The following DYNC1LI1 variants were observed in gnomAD, a reference collection of about 807,000 sequenced individuals.
DYNC1LI1 encodes dynein cytoplasmic 1 light intermediate chain 1.
DYNC1LI1 carries 19 observed loss-of-function variants against 63.8 expected under a neutral mutation model. The observed-to-expected ratio is 0.30, with a 90% CI of 0.21 to 0.44. The LOEUF (loss-of-function observed/expected upper bound fraction) is 0.44. DYNC1LI1 is among the 20% of genes least tolerant of loss of function. DYNC1LI1 has a pLI of 1.00. For missense variants in DYNC1LI1, 565 were observed against 630.2 expected, an observed-to-expected ratio of 0.90 and a Z score of 1.11; for synonymous variants, 225 against 232.3, an observed-to-expected ratio of 0.97 and a Z score of 0.28.
At chr3:32,547,560 C>A (rs1697972795) in intron 2 of DYNC1LI1, among the ~76,000 whole-genome samples, 1 of 152,144 alleles carries the variant, frequency 6.6e-6, no homozygotes, top group Admixed American at 6.5e-5. Flanking sequence ...TATAATCCTA[C>A]TGGGGCCAAG....
chr3:32,556,846 T>C (rs971284765), intron 2 of DYNC1LI1, among the ~76,000 whole-genome samples: 21 of 152,356 alleles, frequency 1.4e-4, no homozygotes, highest in Admixed American at 3.9e-4. Flanking sequence ...AACTTCGCTA[T>C]TTCTTGATTC....
At chr3:32,539,596 C>T (rs1312323766) in intron 5 of DYNC1LI1, among the ~76,000 whole-genome samples, 7 of 151,526 alleles carry the variant, frequency 4.6e-5, no homozygotes, top group African/African-American at 9.7e-5. Flanking sequence ...AGTGCAGTGG[C>T]GCAATCTCAG....
chr3:32,555,461 T>C (rs989594966), intron 2 of DYNC1LI1, among the ~76,000 whole-genome samples: 3 of 152,264 alleles, frequency 2.0e-5, no homozygotes, highest in African/African-American at 4.8e-5. Context: ...CTGAGGTATC[T>C]GCAAAGATGC....
intron 2 of DYNC1LI1, among the ~76,000 whole-genome samples, chr3:32,568,434 A>G (rs1038764365): frequency 6.6e-6 from 1 of 152,246 alleles, no homozygotes; most frequent in Non-Finnish European, 1.5e-5. Context: ...GAAAATCCCA[A>G]TAGTACTGAA....
chr3:32,546,983 G>A (rs983125287), intron 2 of DYNC1LI1, among the ~76,000 whole-genome samples: 3 of 152,168 alleles, frequency 2.0e-5, no homozygotes, highest in Admixed American at 6.5e-5. Flanking sequence ...GGTGGCTCAC[G>A]CCTGTAATCC....
At chr3:32,538,875 CTA>C (rs1463657583) in intron 5 of DYNC1LI1, among the ~76,000 whole-genome samples, 1 of 152,050 alleles carries the variant, frequency 6.6e-6, no homozygotes, top group Non-Finnish European at 1.5e-5. Flanking sequence ...CTCCATACCC[CTA>C]TACATTTTAA....
At chr3:32,557,210 C>G (rs1348394540) in intron 2 of DYNC1LI1, among the ~76,000 whole-genome samples, 2 of 152,132 alleles carry the variant, frequency 1.3e-5, no homozygotes, top group African/African-American at 4.8e-5. Context: ...TCCTTTGACA[C>G]TGATACGTTT....
intron 4 of DYNC1LI1, among the ~76,000 whole-genome samples, chr3:32,543,668 A>G (rs945760753): frequency 6.6e-6 from 1 of 150,880 alleles, no homozygotes; most frequent in African/African-American, 2.4e-5. Context: ...AGCCTCCCAA[A>G]GCGCTGGGAT....
At position 32,526,711 on chromosome 3, in the gene DYNC1LI1, C is replaced by A; in HGVS notation, c.*88G>T. The A allele has an allele frequency of 1.0e-6, 1 of 980,280 alleles. No individual in the cohort carries two copies. Among genetic ancestry groups the A allele is most frequent in the South Asian group, 1.4e-5 (1 of 70,750 alleles). 60.7% of individuals were successfully genotyped at this position (980,280 alleles called of 1,614,324 possible). ...ATTTAGTCCATCTGAAGAAGCACTC[C>A]AGCTTTCTAATTCCACTTTTGAAGG... On this transcript the variant is annotated 3_prime_UTR_variant, in exon 13 of 13. Transcript: ENST00000273130.
intron 2 of DYNC1LI1, among the ~76,000 whole-genome samples, chr3:32,558,393 T>A (rs1698143922): frequency 7.2e-6 from 1 of 139,450 alleles, no homozygotes; most frequent in African/African-American, 2.7e-5. Context: ...CCCCCAACTC[T>A]TTAAAAATGT....
intron 5 of DYNC1LI1, among the ~76,000 whole-genome samples, chr3:32,537,902 T>TATATATATATAATTTATATATATA (rs1697798501): frequency 2.0e-5 from 1 of 50,024 alleles, no homozygotes; most frequent in Non-Finnish European, 3.9e-5. Flanking sequence ...ATATATATAA[T>TATATATATATAATTTATATATATA]ATATATATAT....
chr3:32,530,136 CTT>C lies in DYNC1LI1; in HGVS notation c.1185+146_1185+147del, dbSNP rs1298849655. Reference sequence around the variant, plus strand: ...CAAATGTTACAAATAGATCTTTACACTTTTAAAATCTCACAAATTACAGAAGA... The same window carrying C: ...CAAATGTTACAAATAGATCTTTACACTTAAAATCTCACAAATTACAGAAGA... On this transcript the variant is annotated intron_variant, in intron 10 of 12. Transcript: ENST00000273130. The C allele has an allele frequency of 1.4e-5, 10 of 712,854 alleles. No homozygotes were observed. The East Asian group carries it at 2.2e-4, about 16-fold the overall frequency. The allele number at this position is 712,854 out of a possible 1,614,324, so 44.2% of individuals were successfully genotyped here.
Position 32,534,597 on chromosome 3 carries a change from G to A in DYNC1LI1, c.882C>T (p.Asp294=). ...TCTGAACGATGTATTTATATACTAAGTCTATATTTTTGTTTTCTTTTACTG... is the reference window on the plus strand; with the variant it reads ...TCTGAACGATGTATTTATATACTAAATCTATATTTTTGTTTTCTTTTACTG... ...YTSVKENKNI[D]LVYKYIVQKL... Residue 294 remains aspartate, a synonymous_variant, in exon 7 of 13, where the codon GAC becomes GAT. Coordinates refer to ENST00000273130, the MANE Select transcript of DYNC1LI1 (RefSeq NM_016141.4). 6.3e-7 allele frequency: 1 copy of A among 1,589,266 alleles called. No homozygotes were observed. Among genetic ancestry groups the A allele is most frequent in the Non-Finnish European group, 8.6e-7 (1 of 1,161,744 alleles).
At chr3:32,558,403 T>TCAAAAAAAAAA (rs1369929115) in intron 2 of DYNC1LI1, among the ~76,000 whole-genome samples, 1 of 90,390 alleles carries the variant, frequency 1.1e-5, no homozygotes, top group African/African-American at 4.5e-5. Flanking sequence ...TTTAAAAATG[T>TCAAAAAAAAAA]AAAAAAAAAA....
At chr3:32,531,616 C>G (rs1052140348) in intron 8 of DYNC1LI1, 4 of 152,144 alleles carry the variant, frequency 2.6e-5, no homozygotes, top group Non-Finnish European at 4.4e-5. Context: ...TTTATGCATG[C>G]ATTTCTTTTA....
intron 2 of DYNC1LI1, among the ~76,000 whole-genome samples, chr3:32,559,547 T>C (rs1398520585): frequency 1.3e-5 from 2 of 152,094 alleles, no homozygotes; most frequent in East Asian, 1.9e-4. Context: ...CCCAACTCCT[T>C]TGTAACTTAT....
chr3:32,566,237 G>A (rs535335310), intron 2 of DYNC1LI1, among the ~76,000 whole-genome samples: 14 of 150,110 alleles, frequency 9.3e-5, no homozygotes, highest in Admixed American at 6.6e-4. Context: ...ATGCCACTAC[G>A]CTCCAGCCTG....
Position 32,539,341 on chromosome 3 carries a change from C to A in DYNC1LI1, c.738+1696G>T, listed in dbSNP as rs533653353. Among the ~76,000 whole-genome samples the A allele has an allele frequency of 2.8e-4, 42 of 152,120 alleles. 1 individual carries two copies. The East Asian group carries it at 7.3e-3, about 27-fold the overall frequency. On this transcript the variant is annotated intron_variant, in intron 5 of 12. Transcript: ENST00000273130. ...TAAGCTAGGTTTTAGATTTTTTAAT[C>A]AATTTTACTCCAACAATGAATAAAT...
intron 1 of DYNC1LI1, 40 bp downstream of exon 1, chr3:32,570,585 G>C: frequency 6.5e-7 from 1 of 1,544,196 alleles, no homozygotes; most frequent in Non-Finnish European, 8.7e-7. Context: ...CGCAAGGCCG[G>C]GGGAGCCAGC....
Sources: gnomAD v4.1 joint callset for allele counts (sites outside exome capture counted in the v4.1 genomes callset) on GRCh38, gnomAD v4.1.1 for gene constraint, MANE v1.5 for transcripts, NCBI Gene and HGNC (gene_info 2026-07-23, HGNC 2026-07-21) for gene names.